Variants in SPTBN5 observed in about 807,000 individuals in gnomAD.
SPTBN5 encodes the protein spectrin beta, non-erythrocytic 5.
SPTBN5 carries 513 observed loss-of-function variants against 477.6 expected under a neutral mutation model. That is an observed-to-expected ratio of 1.07 (90% CI 1.00 to 1.16). The LOEUF (loss-of-function observed/expected upper bound fraction) is 1.16, where lower values mean the gene tolerates loss of function less well. Ranked by LOEUF, SPTBN5 falls within the 50% of genes most tolerant of loss-of-function variation. The pLI is 0.00. For synonymous variants in SPTBN5, 2,169 were observed against 2,011.7 expected (o/e 1.08, Z -2.09); for missense variants, 5,062 against 4,731.8 (o/e 1.07, Z -2.05).
At chr15:41,852,125 C>G (rs1207662941) in intron 62 of SPTBN5, 57 bp downstream of exon 62, 1 of 1,520,874 alleles carries the variant, frequency 6.6e-7, no homozygotes, top group Middle Eastern at 2.4e-4. Context: ...CCCAGCCCCA[C>G]TGCATGCTTC....
At position 41,860,771 on chromosome 15, in the gene SPTBN5, G is replaced by A. The variant is rs778379708; in HGVS notation, c.7816-13C>T. Reference sequence around the variant, plus strand: ...GGGCCAAGGGGTCCTGGTGGGAGTGGGGAACCCAATACTGTCCATGAGCCT... The same window carrying A: ...GGGCCAAGGGGTCCTGGTGGGAGTGAGGAACCCAATACTGTCCATGAGCCT... On this transcript the variant is annotated splice_polypyrimidine_tract_variant and intron_variant, in intron 46 of 67. Coordinates refer to ENST00000320955, the MANE Select transcript of SPTBN5 (RefSeq NM_016642.4). 3.2e-6 allele frequency: 5 copies of A among 1,562,302 alleles called. No individual in the cohort carries two copies. In the East Asian group the frequency reaches 1.2e-4, roughly 37 times the overall value.
intron 49 of SPTBN5, among the ~76,000 whole-genome samples, 162 bp from the exon 50 acceptor site, chr15:41,857,872 A>G (rs1385993959): frequency 2.0e-5 from 3 of 152,224 alleles, no homozygotes; most frequent in African/African-American, 4.8e-5. Flanking sequence ...CCTCATCCGT[A>G]TCATAGAGAA....
chr15:41,864,382 C>A (rs1275466568), intron 39 of SPTBN5, among the ~76,000 whole-genome samples: 3 of 152,320 alleles, frequency 2.0e-5, no homozygotes, highest in African/African-American at 7.2e-5. Flanking sequence ...GGCACAATCT[C>A]AGCTCACTGC....
At chr15:41,862,090 C>T (rs540191439) in intron 44 of SPTBN5, 40 bp downstream of exon 44, 93 of 1,404,138 alleles carry the variant, frequency 6.6e-5, no homozygotes, top group Admixed American at 4.7e-5. Flanking sequence ...CAGGGCGGAG[C>T]TGAGAGCCTG....
intron 67 of SPTBN5, 27 bp from the exon 68 acceptor site, chr15:41,848,655 T>C (rs2065636793): frequency 6.2e-7 from 1 of 1,613,626 alleles, no homozygotes; most frequent in South Asian, 1.1e-5. Flanking sequence ...ATGAATTTAG[T>C]AGGGTATGGC....
At chr15:41,867,743 A>C in intron 34 of SPTBN5, 101 bp from the exon 35 acceptor site, 1 of 1,119,612 alleles carries the variant, frequency 8.9e-7, no homozygotes, top group Non-Finnish European at 1.3e-6. Context: ...GCAGGGCCTT[A>C]GGAGTGCCCA....
Position 41,852,178 on chromosome 15 carries a change from C to G in SPTBN5, c.10584+4G>C. 1 of 1,585,754 alleles carries G rather than the reference C, an allele frequency of 6.3e-7. No homozygotes were observed. Among genetic ancestry groups the G allele is most frequent in the East Asian group, 2.3e-5 (1 of 44,402 alleles). On this transcript the variant is annotated splice_donor_region_variant and intron_variant, in intron 62 of 67. Coordinates refer to ENST00000320955, the MANE Select transcript of SPTBN5 (RefSeq NM_016642.4). ...GGTGCCTGCAGCCCCATAGGGACACCTGCCTGGGGGTCCCTCGTCTCAGCC... is the reference window on the plus strand; with the variant it reads ...GGTGCCTGCAGCCCCATAGGGACACGTGCCTGGGGGTCCCTCGTCTCAGCC...
chr15:41,856,822 C>A (rs1043721685), intron 52 of SPTBN5, 31 bp downstream of exon 52: 1 of 1,525,676 alleles, frequency 6.6e-7, no homozygotes. Context: ...TGCTCATGTG[C>A]GAGGCCAGCC....
Position 41,870,312 on chromosome 15 carries a change from C to T in SPTBN5, c.5604G>A (p.Leu1868=). 2 of 1,563,330 alleles carry T rather than the reference C, an allele frequency of 1.3e-6. No homozygotes were observed. ...TSLPNNVARD[L]CGLEAQLRSH... Reference sequence around the variant, plus strand: ...TTCTCAGCTGCGCCTCCAGCCCACACAGGTCCCGTGCCACATTGTTGGGGA... The same window carrying T: ...TTCTCAGCTGCGCCTCCAGCCCACATAGGTCCCGTGCCACATTGTTGGGGA... The change falls in exon 31 of 68, where the codon CTG becomes CTA. Residue 1868 remains leucine (L), a synonymous_variant. Coordinates refer to ENST00000320955, the MANE Select transcript of SPTBN5 (RefSeq NM_016642.4).
chr15:41,869,809 A>C (rs1425865364), intron 32 of SPTBN5, 32 bp downstream of exon 32: 1 of 1,525,098 alleles, frequency 6.6e-7, no homozygotes, highest in Non-Finnish European at 8.7e-7. Flanking sequence ...ACACATGCAC[A>C]CACACACCAC....
At position 41,874,273 on chromosome 15, in the gene SPTBN5, G is replaced by A; in HGVS notation, c.4689+19C>T. ...GGAAGCGGATGTCGGTAATCCTGTA[G>A]GAAGAAGAGGGCTATTACCTTGTGC... On this transcript the variant is annotated intron_variant, in intron 24 of 67. Transcript: ENST00000320955. 6.3e-7 allele frequency: 1 copy of A among 1,596,128 alleles called. No homozygotes were observed. The highest frequency in any genetic ancestry group is 8.5e-7 in the Non-Finnish European group (1 of 1,169,714).
intron 32 of SPTBN5, 85 bp downstream of exon 32, chr15:41,869,756 T>C: frequency 2.3e-6 from 3 of 1,303,428 alleles, no homozygotes; most frequent in Non-Finnish European, 3.0e-6. Flanking sequence ...CCTCCGGAGC[T>C]GGAGGGCCTC....
intron 13 of SPTBN5, 106 bp from the exon 14 acceptor site, chr15:41,880,418 C>T: frequency 3.1e-6 from 4 of 1,288,560 alleles, no homozygotes; most frequent in Non-Finnish European, 4.2e-6. Context: ...CCAGCAGAGC[C>T]CAGGGTCAGG....
In SPTBN5 at chr15:41,883,230, T is replaced by C; in HGVS notation, c.1660-2A>G. 6.2e-7 allele frequency: 1 copy of C among 1,608,548 alleles called. No individual in the cohort carries two copies. The highest frequency in any genetic ancestry group is 2.2e-5 in the East Asian group (1 of 44,740). ...ACAGGCGGTGGACCTGGCCGGCTCC[T>C]GGCCAGAGATGATGGTCATTGCAGT... On this transcript the variant is annotated splice_acceptor_variant, in intron 8 of 67. Transcript: ENST00000320955. LOFTEE classifies it high-confidence loss of function.
At chr15:41,881,906 C>T in intron 12 of SPTBN5, 30 bp downstream of exon 12, 1 of 1,512,118 alleles carries the variant, frequency 6.6e-7, no homozygotes, top group Non-Finnish European at 8.8e-7. Flanking sequence ...GCAAGGGAGA[C>T]CAGGCGCCCT....
At chr15:41,890,726 C>T (rs182380564) in intron 3 of SPTBN5, among the ~76,000 whole-genome samples, 2 of 152,378 alleles carry the variant, frequency 1.3e-5, no homozygotes, top group African/African-American at 2.4e-5. Context: ...CCCAGTCAGA[C>T]TGTCTTGGGC....
chr15:41,861,970 G>A, intron 44 of SPTBN5, 47 bp from the exon 45 acceptor site: 2 of 1,565,262 alleles, frequency 1.3e-6, no homozygotes, highest in Admixed American at 1.9e-5. Context: ...AAGCAGCCCA[G>A]CAGGCAGGAG....
chr15:41,887,885 T>C, intron 5 of SPTBN5, 43 bp downstream of exon 5: 3 of 1,577,938 alleles, frequency 1.9e-6, no homozygotes, highest in Non-Finnish European at 2.6e-6. Context: ...CAGGAGCTGT[T>C]GGCTCAGTGG....
intron 66 of SPTBN5, 25 bp downstream of exon 66, chr15:41,850,829 C>T (rs900674634): frequency 3.8e-6 from 6 of 1,568,442 alleles, no homozygotes; most frequent in Non-Finnish European, 8.6e-7. Flanking sequence ...GGCCGCCCTC[C>T]CCGCATCCTT....
Sources: gnomAD v4.1 joint callset for allele counts (sites outside exome capture counted in the v4.1 genomes callset) on GRCh38, gnomAD v4.1.1 for gene constraint, MANE v1.5 for transcripts, NCBI Gene and HGNC (gene_info 2026-07-23, HGNC 2026-07-21) for gene names.